The following ZSCAN30 variants were observed in gnomAD, a reference collection of about 807,000 sequenced individuals.
ZSCAN30 encodes zinc finger and SCAN domain containing 30, also known as zinc finger and SCAN domain-containing protein 30.
ZSCAN30 carries 37 observed loss-of-function variants against 44.3 expected under a neutral mutation model. The observed-to-expected ratio is 0.84, with a 90% confidence interval of 0.64 to 1.10. ZSCAN30 has a LOEUF of 1.10. ZSCAN30 is among the 50% of genes least tolerant of loss of function. ZSCAN30 has a pLI of 0.00. For missense variants in ZSCAN30, 549 were observed against 582.6 expected (o/e 0.94, Z 0.59); for synonymous variants, 181 against 204.6 (o/e 0.88, Z 0.98).
intron 1 of ZSCAN30, among the ~76,000 whole-genome samples, chr18:35,272,370 T>TG (rs1393351875): frequency 7.9e-6 from 1 of 126,576 alleles, no homozygotes; most frequent in Non-Finnish European, 1.6e-5. Context: ...TTTTTTTAGA[T>TG]GGAGTCTCGC....
At chr18:35,283,608 C>A (rs2044499281) in intron 1 of ZSCAN30, 1 of 152,460 alleles carries the variant, frequency 6.6e-6, no homozygotes, top group South Asian at 2.1e-4. Flanking sequence ...GCTGCTGCAG[C>A]AGGGTGGGCA....
In ZSCAN30 at chr18:35,274,460, C is replaced by T. The variant is rs368457396; in HGVS notation, c.-103-10005G>A. ...AGATTTTTCTGGGTCAACCAGATGA[C>T]TTGCAGTTGGGCTACAGTCTGTGGA... On this transcript the variant is annotated intron_variant, in intron 1 of 3. Coordinates refer to ENST00000333206, the MANE Select transcript of ZSCAN30 (RefSeq NM_001112734.4). Among the ~76,000 whole-genome samples the T allele has an allele frequency of 3.5e-4, 53 of 152,340 alleles. No homozygotes were observed. The Middle Eastern group carries it at 0.02, about 59-fold the overall frequency.
intron 1 of ZSCAN30, among the ~76,000 whole-genome samples, chr18:35,287,129 A>C (rs1007075660): frequency 5.3e-5 from 8 of 152,212 alleles, no homozygotes. Flanking sequence ...AAATATTAAA[A>C]AGAACTATAA....
chr18:35,281,831 G>A (rs2044461248), intron 1 of ZSCAN30: 1 of 151,442 alleles, frequency 6.6e-6, no homozygotes, highest in Non-Finnish European at 1.5e-5. Flanking sequence ...TAATCCAGAT[G>A]CATCCCACAG....
intron 1 of ZSCAN30, among the ~76,000 whole-genome samples, chr18:35,265,800 C>G (rs1375298877): frequency 6.6e-6 from 1 of 152,094 alleles, no homozygotes; most frequent in East Asian, 1.9e-4. Flanking sequence ...TATGGGAAAG[C>G]AACACGTAAA....
chr18:35,283,950 G>A (rs1413467930), intron 1 of ZSCAN30: 3 of 152,344 alleles, frequency 2.0e-5, no homozygotes, highest in African/African-American at 7.2e-5. Flanking sequence ...AAGTGAAGAG[G>A]AGCTTTACTG....
rs752930474 is a variant in ZSCAN30, at chr18:35,263,743, C to A, written c.409-86G>T. ...AGCAACAGGGCAGGAACAGAAGAAT[C>A]AAAAACTCATTCAAATGATTAGAGA... On this transcript the variant is annotated intron_variant, in intron 2 of 3. Transcript: ENST00000333206. 5.3e-6 allele frequency: 8 copies of A among 1,512,882 alleles called. No homozygotes were observed. In the East Asian group the frequency reaches 1.6e-4, roughly 30 times the overall value. The allele number at this position is 1,512,882 out of a possible 1,614,324, so 93.7% of individuals were successfully genotyped here.
At chr18:35,255,512 C>T (rs528572580) in intron 3 of ZSCAN30, among the ~76,000 whole-genome samples, 20 of 152,216 alleles carry the variant, frequency 1.3e-4, no homozygotes, top group African/African-American at 4.8e-4. Flanking sequence ...AACATCAAAA[C>T]TTGTAATCTT....
intron 1 of ZSCAN30, among the ~76,000 whole-genome samples, chr18:35,270,794 C>T (rs1044962763): frequency 3.3e-5 from 5 of 152,302 alleles, no homozygotes; most frequent in South Asian, 2.1e-4. Context: ...AAGCCGCGGA[C>T]CCTCGCAGTG....
At chr18:35,255,113 G>A (rs532156653) in intron 3 of ZSCAN30, 3 of 151,712 alleles carry the variant, frequency 2.0e-5, no homozygotes, top group South Asian at 4.2e-4. Flanking sequence ...CAAAGAAGGG[G>A]ATGGAGACAA....
intron 1 of ZSCAN30, among the ~76,000 whole-genome samples, chr18:35,272,350 GTTT>G (rs35727680): frequency 7.3e-6 from 1 of 137,682 alleles, no homozygotes; most frequent in Non-Finnish European, 1.6e-5. Flanking sequence ...ATTTTAGAAA[GTTT>G]TTTTTTTTTT....
In ZSCAN30 at chr18:35,271,841, G is replaced by A. The variant is rs552992060; in HGVS notation, c.-103-7386C>T. Reference sequence around the variant, plus strand: ...GGCCCAGCAAGAATTTGATTGTGGCGCAGGCAGTTCTGTGGGACCCCGCGC... The same window carrying A: ...GGCCCAGCAAGAATTTGATTGTGGCACAGGCAGTTCTGTGGGACCCCGCGC... On this transcript the variant is annotated intron_variant, in intron 1 of 3. Coordinates refer to ENST00000333206, the MANE Select transcript of ZSCAN30 (RefSeq NM_001112734.4). Among the ~76,000 whole-genome samples the A allele has an allele frequency of 1.2e-3, 182 of 152,322 alleles. 2 individuals are homozygous for A. The highest frequency in any genetic ancestry group is 3.8e-3 in the Admixed American group (58 of 15,308).
intron 1 of ZSCAN30, among the ~76,000 whole-genome samples, chr18:35,273,209 C>G (rs1053915281): frequency 2.6e-5 from 4 of 152,206 alleles, no homozygotes; most frequent in Non-Finnish European, 5.9e-5. Context: ...TTCTCCCTCC[C>G]CTGAGCCCCT....
At chr18:35,266,328 C>T (rs1247494845) in intron 1 of ZSCAN30, among the ~76,000 whole-genome samples, 1 of 151,912 alleles carries the variant, frequency 6.6e-6, no homozygotes, top group Admixed American at 6.6e-5. Flanking sequence ...CAGAGAGTGG[C>T]GTGGAGAAGA....
At chr18:35,263,266 A>G (rs1165433645) in intron 3 of ZSCAN30, 4 of 480,856 alleles carry the variant, frequency 8.3e-6, no homozygotes, top group Non-Finnish European at 1.4e-5. Flanking sequence ...AGAAAAAAGA[A>G]AAAGAAAAAA....
chr18:35,254,119 G>A lies in ZSCAN30; in HGVS notation c.816C>T (p.Val272=). The change falls in exon 4 of 4, where the codon GTC becomes GTT. Residue 272 remains valine (V), a synonymous_variant. Coordinates refer to ENST00000333206, the MANE Select transcript of ZSCAN30 (RefSeq NM_001112734.4). ...FNRRIPTEHS[V]LESHESEGSF... is the part of the protein sequence containing the mutation. ...TTCCTTCACTCTCATGAGATTCAAGGACACTGTGTTCTGTGGGGATTCTTC... is the reference window on the plus strand; with the variant it reads ...TTCCTTCACTCTCATGAGATTCAAGAACACTGTGTTCTGTGGGGATTCTTC... The A allele has an allele frequency of 1.2e-6, 2 of 1,614,108 alleles. No individual in the cohort carries two copies. The highest frequency in any genetic ancestry group is 1.7e-6 in the Non-Finnish European group (2 of 1,180,008).
intron 1 of ZSCAN30, among the ~76,000 whole-genome samples, chr18:35,270,471 CTAAT>C (rs2044247921): frequency 1.3e-5 from 2 of 152,208 alleles, no homozygotes; most frequent in Admixed American, 1.3e-4. Flanking sequence ...TTTCCAATCA[CTAAT>C]TCTTTCTTTA....
At chr18:35,262,654 G>C (rs1248983009) in intron 3 of ZSCAN30, 1 of 152,258 alleles carries the variant, frequency 6.6e-6, no homozygotes, top group East Asian at 1.9e-4. Context: ...TAGCTTCCCA[G>C]CAAGTTCTGT....
In ZSCAN30 at chr18:35,253,367, C is replaced by T. The variant is rs1430539210; in HGVS notation, c.*83G>A. ...GAGGGAAGGACAGAAGTTCTGCTCT[C>T]AGGAAACTTTTCTTTTCTGTGGAGT... On this transcript the variant is annotated 3_prime_UTR_variant, in exon 4 of 4. Transcript: ENST00000333206. 5 of 1,207,446 alleles carry T rather than the reference C, an allele frequency of 4.1e-6. No individual in the cohort carries two copies. In the African/African-American group the frequency reaches 6.1e-5, roughly 15 times the overall value. 74.8% of individuals were successfully genotyped at this position (1,207,446 alleles called of 1,614,324 possible).
Sources: allele counts gnomAD v4.1 joint callset (sites outside exome capture counted in the v4.1 genomes callset), GRCh38; gene constraint gnomAD v4.1.1; transcripts MANE v1.5; gene names NCBI Gene and HGNC (gene_info 2026-07-23, HGNC 2026-07-21).